Variants in NBEA observed in about 807,000 individuals in gnomAD.
The protein encoded by NBEA is neurobeachin.
Under a neutral mutation model 343.4 loss-of-function variants are expected in NBEA, and 44 were observed. That is an observed-to-expected ratio of 0.13 (90% CI 0.10 to 0.16). NBEA has a LOEUF of 0.16. Among genes scored for constraint, NBEA ranks in the 10% least tolerant of loss-of-function variants. The probability of loss-of-function intolerance (pLI) is 1.00; values close to 1 mark genes in which losing one functional copy is unlikely to be tolerated. For synonymous variants in NBEA, 1,175 were observed against 1,238.7 expected (o/e 0.95, Z 1.08); for missense variants, 2,555 against 3,631.3 (o/e 0.70, Z 7.62).
At chr13:35,392,187 T>G (rs2042536021) in intron 38 of NBEA, among the ~76,000 whole-genome samples, 1 of 152,146 alleles carries the variant, frequency 6.6e-6, no homozygotes, top group African/African-American at 2.4e-5. Context: ...GGGAGACTGG[T>G]AAGATCATCC....
chr13:35,549,342 A>G (rs1288742546), intron 41 of NBEA, among the ~76,000 whole-genome samples: 1 of 152,190 alleles, frequency 6.6e-6, no homozygotes, highest in Admixed American at 6.5e-5. Context: ...TGTAAAATGA[A>G]TATAATGTAT....
At chr13:35,446,502 T>C (rs1366069989) in intron 39 of NBEA, among the ~76,000 whole-genome samples, 1 of 152,162 alleles carries the variant, frequency 6.6e-6, no homozygotes, top group Non-Finnish European at 1.5e-5. Context: ...ATAAATGTTA[T>C]ACAGAGATGG....
intron 41 of NBEA, 33 bp from the exon 42 acceptor site, chr13:35,550,444 G>T: frequency 7.9e-7 from 1 of 1,262,928 alleles, no homozygotes; most frequent in South Asian, 1.3e-5. Flanking sequence ...ATATTTTATT[G>T]ATTGACACTT....
chr13:35,490,743 T>C (rs1246581536), intron 41 of NBEA, among the ~76,000 whole-genome samples: 1 of 89,306 alleles, frequency 1.1e-5, no homozygotes. Context: ...TCTATATTAC[T>C]GTATGTACCT....
At chr13:35,597,937 C>G (rs1346451450) in intron 47 of NBEA, among the ~76,000 whole-genome samples, 1 of 152,160 alleles carries the variant, frequency 6.6e-6, no homozygotes, top group East Asian at 1.9e-4. Context: ...GGAGGGATTA[C>G]TGTGCCCACC....
At chr13:34,997,018 T>G (rs981837147) in intron 1 of NBEA, among the ~76,000 whole-genome samples, 4 of 151,938 alleles carry the variant, frequency 2.6e-5, no homozygotes, top group African/African-American at 7.3e-5. Context: ...TCTACCTGTC[T>G]GTTAGCTTAG....
intron 10 of NBEA, among the ~76,000 whole-genome samples, chr13:35,075,599 T>C (rs1466550191): frequency 1.3e-5 from 2 of 152,144 alleles, no homozygotes; most frequent in African/African-American, 4.8e-5. Flanking sequence ...TCCTATCATA[T>C]GAACAGTCCT....
chr13:35,206,457 A>C (rs1439885840), intron 31 of NBEA, among the ~76,000 whole-genome samples: 2 of 152,166 alleles, frequency 1.3e-5, no homozygotes, highest in African/African-American at 4.8e-5. Flanking sequence ...CTTATCTTCA[A>C]ATCGACAGTT....
At chr13:35,045,970 C>A (rs185897788) in intron 4 of NBEA, among the ~76,000 whole-genome samples, 1 of 151,986 alleles carries the variant, frequency 6.6e-6, no homozygotes, top group East Asian at 1.9e-4. Context: ...CCTGTTTGCC[C>A]GCCTAGGCCT....
At chr13:35,019,191 T>A (rs1464993414) in intron 1 of NBEA, among the ~76,000 whole-genome samples, 2 of 151,988 alleles carry the variant, frequency 1.3e-5, no homozygotes, top group Non-Finnish European at 2.9e-5. Context: ...TTCACGATGG[T>A]TATTTGGCTG....
In NBEA at chr13:35,173,604, CT is replaced by C. The variant is rs765027254; in HGVS notation, c.4554+17del. The C allele has an allele frequency of 2.2e-5, 35 of 1,587,298 alleles. No individual in the cohort carries two copies. Among genetic ancestry groups the C allele is most frequent in the Admixed American group, 7.4e-5 (4 of 54,360 alleles). Reference sequence around the variant, plus strand: ...TACAGCAGCTTCGAAGGTAAGTAAACTTTTTTTCTTGGCCAAATATAATTTA... The same window carrying C: ...TACAGCAGCTTCGAAGGTAAGTAAACTTTTTTCTTGGCCAAATATAATTTA... On this transcript the variant is annotated intron_variant, in intron 27 of 58. Transcript: ENST00000379939.
intron 34 of NBEA, among the ~76,000 whole-genome samples, chr13:35,269,395 G>A (rs1056405016): frequency 7.2e-5 from 11 of 152,108 alleles, no homozygotes; most frequent in Non-Finnish European, 1.6e-4. Flanking sequence ...GTAAGATTGG[G>A]CAAGAGTTTT....
chr13:35,202,089 A>G (rs967802310), intron 31 of NBEA, among the ~76,000 whole-genome samples: 2 of 152,038 alleles, frequency 1.3e-5, no homozygotes, highest in Admixed American at 6.6e-5. Context: ...CCTTTAACCT[A>G]CCTTGTTTTT....
intron 37 of NBEA, among the ~76,000 whole-genome samples, chr13:35,349,626 A>G (rs2040073892): frequency 6.6e-6 from 1 of 152,150 alleles, no homozygotes; most frequent in Non-Finnish European, 1.5e-5. Context: ...TGTTTTATAC[A>G]TAACAGTTAT....
At chr13:34,954,707 C>T (rs1228113290) in intron 1 of NBEA, among the ~76,000 whole-genome samples, 1 of 152,096 alleles carries the variant, frequency 6.6e-6, no homozygotes, top group African/African-American at 2.4e-5. Flanking sequence ...TGCATATAAC[C>T]AATGAATATC....
chr13:35,434,729 A>G (rs1007265535), intron 39 of NBEA, among the ~76,000 whole-genome samples: 1 of 152,242 alleles, frequency 6.6e-6, no homozygotes, highest in African/African-American at 2.4e-5. Context: ...GGAGTGATCT[A>G]TACGTAGAAG....
intron 41 of NBEA, chr13:35,476,954 C>A: frequency 2.8e-6 from 1 of 359,448 alleles, no homozygotes; most frequent in Non-Finnish European, 4.1e-6. Context: ...AAAGACTTGG[C>A]AAAGCGGCTC....
At chr13:35,191,260 AC>A (rs1463271860) in intron 30 of NBEA, among the ~76,000 whole-genome samples, 1 of 152,096 alleles carries the variant, frequency 6.6e-6, no homozygotes, top group Non-Finnish European at 1.5e-5. Flanking sequence ...AAAACTCCCT[AC>A]AGTTGATGAA....
intron 36 of NBEA, among the ~76,000 whole-genome samples, chr13:35,310,575 A>G (rs1004072020): frequency 6.6e-6 from 1 of 152,214 alleles, no homozygotes; most frequent in Non-Finnish European, 1.5e-5. Context: ...TTTGTGGTAA[A>G]TAGTTGTTAA....
Sources: gnomAD v4.1 joint callset for allele counts (sites outside exome capture counted in the v4.1 genomes callset) on GRCh38, gnomAD v4.1.1 for gene constraint, MANE v1.5 for transcripts, NCBI Gene and HGNC (gene_info 2026-07-23, HGNC 2026-07-21) for gene names.